The following CLDN14 variants were observed in gnomAD, a reference collection of about 807,000 sequenced individuals.
CLDN14 encodes claudin-14.
CLDN14 carries 2 observed loss-of-function variants against 2.1 expected under a neutral mutation model. The observed-to-expected ratio is 0.96, with a 90% CI of 0.39 to 3.01. The LOEUF is 3.01. Ranked by LOEUF, CLDN14 falls within the 30% of genes most tolerant of loss-of-function variation. CLDN14 has a pLI of 0.09. For missense variants in CLDN14, 298 were observed against 328.0 expected (o/e 0.91, Z 0.71); for synonymous variants, 136 against 154.4 (o/e 0.88, Z 0.88).
intron 1 of CLDN14, among the ~76,000 whole-genome samples, chr21:36,515,518 C>G (rs2087220479): frequency 6.6e-6 from 1 of 151,548 alleles, no homozygotes; most frequent in Non-Finnish European, 1.5e-5. Flanking sequence ...ACTAAAAATA[C>G]AAAAATGATC....
At chr21:36,476,214 C>A (rs1450422140) in intron 1 of CLDN14, among the ~76,000 whole-genome samples, 5 of 152,152 alleles carry the variant, frequency 3.3e-5, no homozygotes, top group Admixed American at 6.5e-5. Flanking sequence ...TACAATCTTA[C>A]CTTCCCTCCT....
At chr21:36,479,157 G>A (rs1191698757) in intron 1 of CLDN14, among the ~76,000 whole-genome samples, 2 of 152,166 alleles carry the variant, frequency 1.3e-5, no homozygotes, top group East Asian at 3.9e-4. Context: ...CTGAGCTGTG[G>A]CCTCAAAACA....
At chr21:36,539,926 A>AGT (rs1412144592) in intron 1 of CLDN14, among the ~76,000 whole-genome samples, 4 of 139,346 alleles carry the variant, frequency 2.9e-5, no homozygotes, top group Admixed American at 2.1e-4. Context: ...GTGTCTGTGG[A>AGT]GTGTGTGTGT....
chr21:36,531,598 C>T (rs2087380503), intron 1 of CLDN14, among the ~76,000 whole-genome samples: 1 of 151,844 alleles, frequency 6.6e-6, no homozygotes, highest in Non-Finnish European at 1.5e-5. Context: ...TCTATATATC[C>T]TCAATCAATA....
chr21:36,523,556 G>C lies in CLDN14; in HGVS notation c.-219-13056C>G, dbSNP rs145695784. On this transcript the variant is annotated intron_variant, in intron 1 of 2. Transcript: ENST00000342108. ...GAAGCCAGGAGTTTGAGACCAACCT[G>C]GTCGACATGGCAAAACCCCATTCCT... is the stretch of plus-strand genomic sequence containing the variant. 7.5e-3 allele frequency among the ~76,000 whole-genome samples: 1,137 copies of C among 151,868 alleles called. 2 individuals carry two copies. The highest frequency in any genetic ancestry group is 0.041 in the Middle Eastern group (12 of 294).
chr21:36,511,235 G>A (rs1601617762), intron 1 of CLDN14, among the ~76,000 whole-genome samples: 2 of 152,184 alleles, frequency 1.3e-5, no homozygotes, highest in East Asian at 1.9e-4. Context: ...TTTTCTAAGT[G>A]AGCAGGTGTA....
At chr21:36,542,443 C>T (rs2087497344) in intron 1 of CLDN14, 1 of 152,292 alleles carries the variant, frequency 6.6e-6, no homozygotes, top group Non-Finnish European at 1.5e-5. Context: ...CAGCTGATCC[C>T]CTGTGACTGA....
At chr21:36,507,570 C>A (rs1390819939) in intron 2 of CLDN14, among the ~76,000 whole-genome samples, 1 of 152,146 alleles carries the variant, frequency 6.6e-6, no homozygotes, top group African/African-American at 2.4e-5. Flanking sequence ...TTGAGACCAG[C>A]CTGGCCAATG....
chr21:36,472,506 C>T (rs2086722162), intron 1 of CLDN14, among the ~76,000 whole-genome samples: 1 of 152,180 alleles, frequency 6.6e-6, no homozygotes, highest in African/African-American at 2.4e-5. Context: ...CTTCATGTTT[C>T]TGTGAAGTTA....
intron 1 of CLDN14, chr21:36,477,331 T>C (rs1389187911): frequency 6.6e-6 from 1 of 152,206 alleles, no homozygotes; most frequent in Non-Finnish European, 1.5e-5. Context: ...GCTCTTGCAG[T>C]GTTCTGTAGA....
At chr21:36,507,443 G>A (rs1327124885) in intron 2 of CLDN14, among the ~76,000 whole-genome samples, 1 of 152,124 alleles carries the variant, frequency 6.6e-6, no homozygotes, top group African/African-American at 2.4e-5. Context: ...GAATGAGAGG[G>A]AAGGAAATTG....
chr21:36,492,440 CAAAA>C (rs58666814), intron 2 of CLDN14, among the ~76,000 whole-genome samples: 5 of 67,930 alleles, frequency 7.4e-5, no homozygotes, highest in Non-Finnish European at 1.2e-4. Context: ...GACTCCGTCC[CAAAA>C]AAAAAAAAAA....
chr21:36,521,225 G>A (rs1348870732), intron 1 of CLDN14, among the ~76,000 whole-genome samples: 1 of 152,178 alleles, frequency 6.6e-6, no homozygotes, highest in Non-Finnish European at 1.5e-5. Flanking sequence ...ACCAGCTCCT[G>A]GCAGGGTCCG....
rs527723661 is a variant in CLDN14, at chr21:36,492,157, G to A, written c.-82+18206C>T. Reference sequence around the variant, plus strand: ...TGTCTCTAAAAAAAATGCAAGGGCCGGGCGCGGTGGCTCACGCCTGTAATC... The same window carrying A: ...TGTCTCTAAAAAAAATGCAAGGGCCAGGCGCGGTGGCTCACGCCTGTAATC... On this transcript the variant is annotated intron_variant, in intron 2 of 2. Coordinates refer to the CLDN14 transcript ENST00000342108. Among the ~76,000 whole-genome samples, 16 of 124,812 alleles carry A rather than the reference G, an allele frequency of 1.3e-4. 1 individual carries two copies. Among genetic ancestry groups the A allele is most frequent in the East Asian group, 1.2e-3 (3 of 2,606 alleles). 81.9% of individuals were successfully genotyped at this position (124,812 alleles called of 152,430 possible). A position where few individuals can be genotyped will look rare whatever the true frequency, so the allele number is the denominator to read the frequency against.
chr21:36,525,554 C>A (rs375745702), intron 1 of CLDN14, among the ~76,000 whole-genome samples: 1 of 152,026 alleles, frequency 6.6e-6, no homozygotes, highest in Non-Finnish European at 1.5e-5. Flanking sequence ...ACAGAAGAGC[C>A]GGCATGAGGT....
intron 1 of CLDN14, among the ~76,000 whole-genome samples, chr21:36,512,671 G>T (rs1568864937): frequency 6.6e-6 from 1 of 152,226 alleles, no homozygotes; most frequent in Non-Finnish European, 1.5e-5. Context: ...ACACAGATGT[G>T]TGTGGACATA....
At chr21:36,482,355 T>TAGACTGAC (rs1390622598), upstream of CLDN14, among the ~76,000 whole-genome samples, 73 of 123,144 alleles carry the variant, frequency 5.9e-4, no homozygotes, top group African/African-American at 2.5e-3. Context: ...GATGGATGGA[T>TAGACTGAC]GGATGGATAG....
At position 36,544,027 on chromosome 21, in the gene CLDN14, C is replaced by T. The variant is rs530506310; in HGVS notation, c.-220+32384G>A. 9.9e-5 allele frequency among the ~76,000 whole-genome samples: 15 copies of T among 152,220 alleles called. No individual in the cohort carries two copies. The highest frequency in any genetic ancestry group is 2.2e-4 in the Non-Finnish European group (15 of 68,044). On this transcript the variant is annotated intron_variant, in intron 1 of 2. Coordinates refer to the CLDN14 transcript ENST00000342108. The surrounding 1 kb of genome is among the most constrained non-coding windows in gnomAD (Gnocchi z 4.1). ...GGGAAGCCTGTGTCATGGATTCAAC[C>T]GTCTGTGCTGAGCCGCACCTGCACT...
chr21:36,484,603 A>G (rs563504954), upstream of CLDN14, among the ~76,000 whole-genome samples: 1 of 152,112 alleles, frequency 6.6e-6, no homozygotes, highest in African/African-American at 2.4e-5. Flanking sequence ...GACCACTCCA[A>G]TCTCTGCCTT....
Sources: gnomAD v4.1 joint callset for allele counts (sites outside exome capture counted in the v4.1 genomes callset) on GRCh38, gnomAD v4.1.1 for gene constraint, Gnocchi (gnomAD v3.1) non-coding constraint, MANE v1.5 for transcripts, NCBI Gene and HGNC (gene_info 2026-07-23, HGNC 2026-07-21) for gene names.